The following UBASH3B variants were observed in gnomAD, a reference collection of about 807,000 sequenced individuals.
UBASH3B encodes the protein ubiquitin-associated and SH3 domain-containing protein B.
A neutral mutation model predicts 83.4 loss-of-function variants in UBASH3B; 37 were observed. That is an observed-to-expected ratio of 0.44 (90% confidence interval 0.34 to 0.58). The LOEUF (loss-of-function observed/expected upper bound fraction) is 0.58. UBASH3B is among the 20% of genes least tolerant of loss of function. The pLI is 0.01. For synonymous variants in UBASH3B, 304 were observed against 318.3 expected (o/e 0.96, Z 0.48); for missense variants, 657 against 827.2 (o/e 0.79, Z 2.52).
At chr11:122,701,551 T>C (rs534919086) in intron 1 of UBASH3B, among the ~76,000 whole-genome samples, 1 of 152,210 alleles carries the variant, frequency 6.6e-6, no homozygotes, top group Non-Finnish European at 1.5e-5. Context: ...CTGACACTCA[T>C]CTCAAAGCTC....
At chr11:122,682,492 G>A (rs1863755068) in intron 1 of UBASH3B, among the ~76,000 whole-genome samples, 1 of 152,188 alleles carries the variant, frequency 6.6e-6, no homozygotes, top group Non-Finnish European at 1.5e-5. Flanking sequence ...TTTCCAGTCT[G>A]CCTTTCCCGA....
intron 1 of UBASH3B, among the ~76,000 whole-genome samples, chr11:122,723,434 G>T (rs1264895880): frequency 6.6e-6 from 1 of 152,180 alleles, no homozygotes; most frequent in Non-Finnish European, 1.5e-5. Context: ...CCTTGGAGAC[G>T]CATTCTCCCA....
intron 1 of UBASH3B, among the ~76,000 whole-genome samples, chr11:122,699,562 T>C (rs1204614378): frequency 7.1e-6 from 1 of 140,750 alleles, no homozygotes; most frequent in Non-Finnish European, 1.6e-5. Flanking sequence ...TCTTTCTTTC[T>C]TTCTTTCTTT....
At chr11:122,672,517 G>T (rs1244122954) in intron 1 of UBASH3B, among the ~76,000 whole-genome samples, 1 of 151,986 alleles carries the variant, frequency 6.6e-6, no homozygotes, top group African/African-American at 2.4e-5. Context: ...GTAGAGATGG[G>T]GTTTCACCAT....
chr11:122,740,756 AG>A (rs1310725362), intron 1 of UBASH3B, among the ~76,000 whole-genome samples: 2 of 152,214 alleles, frequency 1.3e-5, no homozygotes, highest in Non-Finnish European at 2.9e-5. Flanking sequence ...GAAGGCAGAA[AG>A]GTCAGTTGAG....
At chr11:122,748,546 G>A (rs1861154795) in intron 1 of UBASH3B, among the ~76,000 whole-genome samples, 1 of 152,154 alleles carries the variant, frequency 6.6e-6, no homozygotes, top group South Asian at 2.1e-4. Flanking sequence ...GCTTCCTTTA[G>A]GTTGGGCTAA....
intron 1 of UBASH3B, among the ~76,000 whole-genome samples, chr11:122,708,621 T>C (rs571345856): frequency 6.6e-6 from 1 of 152,168 alleles, no homozygotes; most frequent in Non-Finnish European, 1.5e-5. Flanking sequence ...GTAACCTATT[T>C]ATTCATTCAT....
In UBASH3B at chr11:122,783,170, G is replaced by A; in HGVS notation, c.719G>A (p.Cys240Tyr). ...CAGAACATTGACGTCAAGCTAGGGT[G>A]TGACTGGGTGGCTACCATATTTTCT... ...LAQNIDVKLG[C>Y]DWVATIFSRD... The change falls in exon 5 of 14, where the codon TGT becomes TAT. Residue 240 changes from cysteine to tyrosine, a missense_variant. Cys to Tyr is a radical substitution (Grantham distance 194). Coordinates refer to ENST00000284273, the MANE Select transcript of UBASH3B (RefSeq NM_032873.5). The A allele has an allele frequency of 6.2e-7, 1 of 1,614,132 alleles. No homozygotes were observed. The highest frequency in any genetic ancestry group is 8.5e-7 in the Non-Finnish European group (1 of 1,180,006).
intron 1 of UBASH3B, among the ~76,000 whole-genome samples, chr11:122,743,908 G>C (rs917780657): frequency 6.6e-6 from 1 of 152,182 alleles, no homozygotes; most frequent in African/African-American, 2.4e-5. Flanking sequence ...CTTCCTCACA[G>C]AAAACCCCTG....
chr11:122,786,535 T>C (rs1860956730), intron 5 of UBASH3B, among the ~76,000 whole-genome samples: 1 of 152,106 alleles, frequency 6.6e-6, no homozygotes, highest in South Asian at 2.1e-4. Context: ...TACACACCTG[T>C]AGTCCCAGCT....
chr11:122,726,881 G>A (rs1860751196), intron 1 of UBASH3B, among the ~76,000 whole-genome samples: 1 of 152,226 alleles, frequency 6.6e-6, no homozygotes, highest in Admixed American at 6.5e-5. Flanking sequence ...TCCCATGTGG[G>A]AAAGTAATAA....
At position 122,798,895 on chromosome 11, in the gene UBASH3B, GAC is replaced by G. The variant is rs758081798; in HGVS notation, c.1358-46_1358-45del. The G allele has an allele frequency of 4.5e-6, 7 of 1,561,646 alleles. No homozygotes were observed. In the South Asian group the frequency reaches 7.8e-5, roughly 17 times the overall value. On this transcript the variant is annotated intron_variant, in intron 9 of 13. Coordinates refer to ENST00000284273, the MANE Select transcript of UBASH3B (RefSeq NM_032873.5). ...CCTCTCACACTGCGGGTCAAGGTGA[GAC>G]TGAGTAAATCCATCAGACTGATTTT...
At chr11:122,782,903 T>C in intron 4 of UBASH3B, 150 bp from the exon 5 acceptor site, 2 of 904,320 alleles carry the variant, frequency 2.2e-6, no homozygotes, top group Non-Finnish European at 3.4e-6. Context: ...CCCCTTATTC[T>C]ACTGCTGTGA....
chr11:122,669,023 T>G (rs1863556479), intron 1 of UBASH3B, among the ~76,000 whole-genome samples: 1 of 152,112 alleles, frequency 6.6e-6, no homozygotes, highest in Non-Finnish European at 1.5e-5. Context: ...GGGACATGAG[T>G]CATAATGAGT....
At chr11:122,770,962 G>A (rs539921953) in intron 1 of UBASH3B, among the ~76,000 whole-genome samples, 1 of 152,286 alleles carries the variant, frequency 6.6e-6, no homozygotes, top group East Asian at 1.9e-4. Context: ...ATCTGAACAT[G>A]CCTCTCTAGC....
chr11:122,714,076 A>G (rs1219571403), intron 1 of UBASH3B, among the ~76,000 whole-genome samples: 3 of 152,228 alleles, frequency 2.0e-5, no homozygotes, highest in East Asian at 1.9e-4. Flanking sequence ...CTTAGGTTCC[A>G]AAGTCTTTAA....
At chr11:122,752,420 A>G (rs1455528730) in intron 1 of UBASH3B, among the ~76,000 whole-genome samples, 1 of 152,224 alleles carries the variant, frequency 6.6e-6, no homozygotes, top group Admixed American at 6.5e-5. Context: ...CAGTGAACTC[A>G]AGGGACCAGG....
At chr11:122,786,791 G>A (rs1293556802) in intron 5 of UBASH3B, among the ~76,000 whole-genome samples, 6 of 152,236 alleles carry the variant, frequency 3.9e-5, no homozygotes. Flanking sequence ...TTTGGTGAGT[G>A]AGAAAGGGCA....
rs68079056 is a variant in UBASH3B at position 122,759,073 on chromosome 11, A to C, written c.162-17146A>C. On this transcript the variant is annotated intron_variant, in intron 1 of 13. Transcript: ENST00000284273. This position sits in a 1 kb window ranked among gnomAD's most constrained non-coding sequence, Gnocchi z 4.1. ...TCTCTGCTCAGTCTTACAAGATTGC[A>C]GTCAAGGTGTTGGCCAGGCCGTGTT... 0.33 allele frequency among the ~76,000 whole-genome samples: 49,662 copies of C among 152,128 alleles called. 9,625 individuals are homozygous for C. The highest frequency in any genetic ancestry group is 0.42 in the Non-Finnish European group (28,771 of 67,976).
Sources: allele counts gnomAD v4.1 joint callset (sites outside exome capture counted in the v4.1 genomes callset), GRCh38; gene constraint gnomAD v4.1.1; non-coding constraint Gnocchi (gnomAD v3.1); transcripts MANE v1.5; gene names NCBI Gene and HGNC (gene_info 2026-07-23, HGNC 2026-07-21).